Variants in FANCD2 observed in about 807,000 individuals in gnomAD.
FANCD2 encodes FA complementation group D2.
Under a neutral mutation model 192.3 loss-of-function variants are expected in FANCD2, and 131 were observed. The observed-to-expected ratio is 0.68, with a 90% CI of 0.59 to 0.79. The LOEUF (loss-of-function observed/expected upper bound fraction) is 0.79, where lower values mean the gene tolerates loss of function less well. Ranked by LOEUF, FANCD2 falls within the 30% of genes least tolerant of loss-of-function variation. FANCD2 has a pLI of 0.00. For missense variants in FANCD2, 1,508 were observed against 1,701.6 expected, an observed-to-expected ratio of 0.89 and a Z score of 2.00; for synonymous variants, 524 against 612.5, an observed-to-expected ratio of 0.86 and a Z score of 2.13.
At chr3:10,032,255 G>A in intron 2 of FANCD2, 1 of 376,448 alleles carries the variant, frequency 2.7e-6, no homozygotes, top group Non-Finnish European at 5.1e-6. Flanking sequence ...ATTTCTGTGG[G>A]TTATTCTTGT....
intron 18 of FANCD2, among the ~76,000 whole-genome samples, chr3:10,054,368 CGTGTATATACATATATATAT>C (rs1559383035): frequency 1.0e-3 from 107 of 105,458 alleles, no homozygotes; most frequent in African/African-American, 4.4e-3. Context: ...TATATATATA[CGTGTATATACATATATATAT>C]GTATATACGT....
rs762971430 is a variant in FANCD2 at position 10,046,689 on chromosome 3, A to G, written c.1244A>G (p.Gln415Arg). 9.3e-6 allele frequency: 15 copies of G among 1,613,982 alleles called. No homozygotes were observed. The highest frequency in any genetic ancestry group is 1.2e-5 in the Non-Finnish European group (14 of 1,179,794). ...ATTCGATCAGGCTGCATTCAAGAACAGCTGCTCCAGAGTACATTCTCTGTT... is the reference window on the plus strand; with the variant it reads ...ATTCGATCAGGCTGCATTCAAGAACGGCTGCTCCAGAGTACATTCTCTGTT... ...NKIRSGCIQE[Q>R]LLQSTFSVHY... The change falls in exon 15 of 44, where the codon CAG becomes CGG. Residue 415 changes from glutamine (Q) to arginine (R), a missense_variant. Coordinates refer to ENST00000675286, the MANE Select transcript of FANCD2 (RefSeq NM_001018115.3).
chr3:10,032,590 G>T (rs151067541), intron 2 of FANCD2, among the ~76,000 whole-genome samples: 47 of 152,266 alleles, frequency 3.1e-4, no homozygotes, highest in Non-Finnish European at 5.6e-4. Context: ...TACCACATGA[G>T]CCACCTTGCC....
chr3:10,039,206 G>A (rs530555525), intron 7 of FANCD2, 73 bp from the exon 8 acceptor site: 6 of 1,040,222 alleles, frequency 5.8e-6, no homozygotes, highest in Admixed American at 1.9e-5. Flanking sequence ...AAAATATTTT[G>A]TGCAGTATTA....
intron 1 of FANCD2, 49 bp from the exon 2 acceptor site, chr3:10,028,576 C>G: frequency 7.9e-7 from 1 of 1,260,838 alleles, no homozygotes; most frequent in Non-Finnish European, 1.2e-6. Flanking sequence ...TTTAACTTCT[C>G]AGAATTTATC....
At chr3:10,096,202 G>C (rs925474617) in intron 41 of FANCD2, 124 bp from the exon 42 acceptor site, 17 of 953,700 alleles carry the variant, frequency 1.8e-5, no homozygotes. Flanking sequence ...CTGTTTGATG[G>C]AACATACCGT....
intron 2 of FANCD2, among the ~76,000 whole-genome samples, chr3:10,030,993 G>C (rs192943703): frequency 6.6e-6 from 1 of 152,250 alleles, no homozygotes; most frequent in African/African-American, 2.4e-5. Flanking sequence ...ATTTGAAACT[G>C]AAGAGGAATA....
intron 19 of FANCD2, among the ~76,000 whole-genome samples, chr3:10,061,726 T>C (rs1027005425): frequency 8.5e-5 from 13 of 152,192 alleles, no homozygotes; most frequent in Non-Finnish European, 1.3e-4. Flanking sequence ...CATCCTTTGC[T>C]CTAATCTGTA....
intron 33 of FANCD2, among the ~76,000 whole-genome samples, chr3:10,086,774 G>A (rs1255007823): frequency 3.9e-5 from 6 of 152,154 alleles, no homozygotes; most frequent in Non-Finnish European, 8.8e-5. Context: ...CACCATGCCC[G>A]GCCTGTGAAC....
At chr3:10,089,045 G>A in intron 36 of FANCD2, 95 bp downstream of exon 36, 2 of 1,380,406 alleles carry the variant, frequency 1.4e-6, no homozygotes, top group East Asian at 2.3e-5. Context: ...CACTTTGGGA[G>A]GCTGAGGCAG....
chr3:10,033,445 C>T (rs1297182735), intron 3 of FANCD2, among the ~76,000 whole-genome samples: 1 of 152,000 alleles, frequency 6.6e-6, no homozygotes, highest in Non-Finnish European at 1.5e-5. Context: ...GTCTTTGGTC[C>T]TCATTACTAT....
At chr3:10,043,238 A>G (rs1559375485) in intron 12 of FANCD2, 88 bp downstream of exon 12, 11 of 953,314 alleles carry the variant, frequency 1.2e-5, no homozygotes, top group East Asian at 7.5e-5. Flanking sequence ...AAATAATGAT[A>G]CTATTATGAC....
chr3:10,037,805 T>A (rs1177753661), intron 7 of FANCD2: 1 of 152,210 alleles, frequency 6.6e-6, no homozygotes, highest in Non-Finnish European at 1.5e-5. Flanking sequence ...ATAGCACTTA[T>A]ATTAGGTTGG....
At chr3:10,046,198 T>G (rs2087003095) in intron 14 of FANCD2, among the ~76,000 whole-genome samples, 1 of 151,858 alleles carries the variant, frequency 6.6e-6, no homozygotes, top group Non-Finnish European at 1.5e-5. Flanking sequence ...GGACTATAGG[T>G]GCATGCTGCC....
chr3:10,054,471 A>ATCT (rs1460285807), intron 18 of FANCD2, among the ~76,000 whole-genome samples: 1 of 16,666 alleles, frequency 6.0e-5, no homozygotes, highest in Non-Finnish European at 9.2e-5. Flanking sequence ...ATATATATAT[A>ATCT]TATTTTTTTT....
At chr3:10,050,026 T>G (rs923464970) in intron 17 of FANCD2, among the ~76,000 whole-genome samples, 17 of 152,176 alleles carry the variant, frequency 1.1e-4, no homozygotes, top group Admixed American at 2.6e-4. Flanking sequence ...GAGGAATGAT[T>G]GGAGGCAAGG....
chr3:10,034,547 T>C lies in FANCD2; in HGVS notation c.273+11T>C. ...CCTTCCTATCCCAAAGTATGTATTT[T>C]TCCCCTGGTATTTTTGCTTGTGCCA... On this transcript the variant is annotated intron_variant, in intron 4 of 43. Transcript: ENST00000675286. 1 of 1,605,598 alleles carries C rather than the reference T, an allele frequency of 6.2e-7. No homozygotes were observed. The highest frequency in any genetic ancestry group is 1.3e-5 in the African/African-American group (1 of 74,892).
Position 10,039,682 on chromosome 3 carries a change from G to T in FANCD2, c.571-39G>T, listed in dbSNP as rs750123175. 4 of 1,612,684 alleles carry T rather than the reference G, an allele frequency of 2.5e-6. No individual in the cohort carries two copies. The South Asian group carries it at 3.3e-5, about 13-fold the overall frequency. ...ACGTAGGTAGTCTTTCTTTATTCTG[G>T]GTAATGTGCTGCAGTTCTAATAGTG... On this transcript the variant is annotated intron_variant, in intron 8 of 43. Coordinates refer to ENST00000675286, the MANE Select transcript of FANCD2 (RefSeq NM_001018115.3).
At chr3:10,094,744 G>C in intron 40 of FANCD2, 1 of 319,848 alleles carries the variant, frequency 3.1e-6, no homozygotes, top group South Asian at 3.3e-5. Context: ...AAAACCCTTT[G>C]CTGTGGTAAT....
Sources: allele counts gnomAD v4.1 joint callset (sites outside exome capture counted in the v4.1 genomes callset), GRCh38; gene constraint gnomAD v4.1.1; transcripts MANE v1.5; gene names NCBI Gene and HGNC (gene_info 2026-07-23, HGNC 2026-07-21).